The following MITF variants were observed in gnomAD, a reference collection of about 807,000 sequenced individuals.
The protein encoded by MITF is microphthalmia-associated transcription factor.
MITF carries 17 observed loss-of-function variants against 60.5 expected under a neutral mutation model. That is an observed-to-expected ratio of 0.28 (90% CI 0.19 to 0.42). The LOEUF (loss-of-function observed/expected upper bound fraction) is 0.42, where lower values mean the gene tolerates loss of function less well. Among genes scored for constraint, MITF ranks in the 10% least tolerant of loss-of-function variants. The pLI, the probability that MITF is intolerant of heterozygous loss-of-function variation, is 1.00. For synonymous variants in MITF, 260 were observed against 248.5 expected (o/e 1.05, Z -0.43); for missense variants, 622 against 683.5 (o/e 0.91, Z 1.00).
chr3:69,826,264 T>C (rs9872200), intron 1 of MITF, among the ~76,000 whole-genome samples: 2 of 152,014 alleles, frequency 1.3e-5, no homozygotes, highest in African/African-American at 2.4e-5. Context: ...TAATTTTGCC[T>C]GTCTTGTCCT....
chr3:69,777,428 T>A (rs2062492406), intron 1 of MITF, among the ~76,000 whole-genome samples: 1 of 152,228 alleles, frequency 6.6e-6, no homozygotes, highest in Non-Finnish European at 1.5e-5. Flanking sequence ...CAATATATCT[T>A]TAAGTTCAAC....
At chr3:69,773,728 A>G (rs1409439752) in intron 1 of MITF, among the ~76,000 whole-genome samples, 2 of 152,176 alleles carry the variant, frequency 1.3e-5, no homozygotes. Flanking sequence ...TTCCATAAAC[A>G]TCTCAAATTG....
chr3:69,894,238 C>T (rs2107326919), intron 2 of MITF, among the ~76,000 whole-genome samples: 1 of 152,336 alleles, frequency 6.6e-6, no homozygotes, highest in South Asian at 2.1e-4. Context: ...CAGAACCAGT[C>T]AACTGATGAA....
At chr3:69,886,990 A>G (rs1439773979) in intron 2 of MITF, among the ~76,000 whole-genome samples, 1 of 152,066 alleles carries the variant, frequency 6.6e-6, no homozygotes. Context: ...GTAGACTCAC[A>G]CACTTTTGAT....
chr3:69,838,528 T>C (rs1418405482), intron 1 of MITF: 5 of 152,744 alleles, frequency 3.3e-5, no homozygotes, highest in East Asian at 1.9e-4. Context: ...AGTAGGTGGA[T>C]GGGAGGATTA....
chr3:69,868,630 G>A (rs533993218), intron 1 of MITF, among the ~76,000 whole-genome samples: 27 of 152,272 alleles, frequency 1.8e-4, no homozygotes, highest in African/African-American at 6.0e-4. Context: ...GCTGGGCGCG[G>A]TGGCTCACGC....
In MITF at chr3:69,936,772, C is replaced by T. The variant is rs369106678; in HGVS notation, c.355-1050C>T. 6.8e-6 allele frequency: 11 copies of T among 1,609,208 alleles called. No individual in the cohort carries two copies. The highest frequency in any genetic ancestry group is 4.0e-5 in the African/African-American group (3 of 74,812). On this transcript the variant is annotated intron_variant, in intron 2 of 9. Transcript: ENST00000352241. Reference sequence around the variant, plus strand: ...CACTATCAGGTGAGATTTATTCTGACTCATATTCAGTCTTTGAAATATAAT... The same window carrying T: ...CACTATCAGGTGAGATTTATTCTGATTCATATTCAGTCTTTGAAATATAAT...
intron 8 of MITF, among the ~76,000 whole-genome samples, chr3:69,958,696 A>G (rs1030642232): frequency 2.0e-5 from 3 of 152,198 alleles, no homozygotes; most frequent in African/African-American, 7.2e-5. Context: ...TTAGAAACCT[A>G]TAACTCTTTA....
At chr3:69,768,122 T>C (rs1328477269) in intron 1 of MITF, among the ~76,000 whole-genome samples, 2 of 152,336 alleles carry the variant, frequency 1.3e-5, no homozygotes, top group African/African-American at 4.8e-5. Context: ...AAGAAAATGA[T>C]TGATTACTAA....
At chr3:69,785,573 T>C (rs1418677654) in intron 1 of MITF, among the ~76,000 whole-genome samples, 1 of 152,246 alleles carries the variant, frequency 6.6e-6, no homozygotes, top group South Asian at 2.1e-4. Context: ...TTTTTTGCTT[T>C]GCTTTTTCCT....
At chr3:69,876,409 C>T (rs1272538500) in intron 1 of MITF, among the ~76,000 whole-genome samples, 1 of 151,944 alleles carries the variant, frequency 6.6e-6, no homozygotes, top group East Asian at 1.9e-4. Context: ...AACTGTTCCC[C>T]CCGCGCTTCC....
intron 2 of MITF, among the ~76,000 whole-genome samples, chr3:69,912,458 G>A (rs1295954985): frequency 6.6e-6 from 1 of 152,102 alleles, no homozygotes; most frequent in African/African-American, 2.4e-5. Flanking sequence ...AAGTAATGAG[G>A]CGCATCTCAA....
chr3:69,879,803 C>G (rs1369567173), intron 2 of MITF, among the ~76,000 whole-genome samples: 1 of 152,110 alleles, frequency 6.6e-6, no homozygotes, highest in East Asian at 1.9e-4. Flanking sequence ...TAAAATCTGA[C>G]TGTTTTAGAG....
intron 1 of MITF, among the ~76,000 whole-genome samples, chr3:69,739,996 G>A (rs1487435725): frequency 6.6e-6 from 1 of 152,160 alleles, no homozygotes; most frequent in Admixed American, 6.5e-5. Context: ...ACTGATTGGG[G>A]GCTGGGGAGC....
At chr3:69,906,871 C>G (rs1261864417) in intron 2 of MITF, among the ~76,000 whole-genome samples, 4 of 152,236 alleles carry the variant, frequency 2.6e-5, no homozygotes, top group African/African-American at 9.6e-5. Context: ...TAGGAGCTGT[C>G]AACGCACTCC....
intron 5 of MITF, among the ~76,000 whole-genome samples, chr3:69,943,640 T>A (rs889888437): frequency 6.6e-6 from 1 of 152,196 alleles, no homozygotes; most frequent in African/African-American, 2.4e-5. Flanking sequence ...AAGCTCTATG[T>A]TAGCTATCTG....
At position 69,879,117 on chromosome 3, in the gene MITF, T is replaced by G; in HGVS notation, c.105-17T>G. ...ATTAGGAAACTAAATGTTGTATGCATTTTGGTTTTCCCACAGCAGTTCCGC... is the reference window on the plus strand; with the variant it reads ...ATTAGGAAACTAAATGTTGTATGCAGTTTGGTTTTCCCACAGCAGTTCCGC... On this transcript the variant is annotated splice_polypyrimidine_tract_variant and intron_variant, in intron 1 of 9. Coordinates refer to ENST00000352241, the MANE Select transcript of MITF (RefSeq NM_001354604.2). The G allele has an allele frequency of 6.2e-7, 1 of 1,609,190 alleles. No individual in the cohort carries two copies. Among genetic ancestry groups the G allele is most frequent in the Non-Finnish European group, 8.5e-7 (1 of 1,175,624 alleles).
At chr3:69,793,466 C>T (rs1425782953) in intron 1 of MITF, among the ~76,000 whole-genome samples, 1 of 150,642 alleles carries the variant, frequency 6.6e-6, no homozygotes, top group South Asian at 2.1e-4. Context: ...TTGTGGAACA[C>T]GTAGCGTCCC....
chr3:69,811,893 A>G (rs745860777), intron 1 of MITF, among the ~76,000 whole-genome samples: 1 of 152,208 alleles, frequency 6.6e-6, no homozygotes, highest in Non-Finnish European at 1.5e-5. Flanking sequence ...CATGAGACAG[A>G]GAGACGGACA....
Sources: allele counts gnomAD v4.1 joint callset (sites outside exome capture counted in the v4.1 genomes callset), GRCh38; gene constraint gnomAD v4.1.1; transcripts MANE v1.5; gene names NCBI Gene and HGNC (gene_info 2026-07-23, HGNC 2026-07-21).